Variants in SAMMSON observed in about 807,000 individuals in gnomAD.
SAMMSON encodes the protein survival associated mitochondrial melanoma specific oncogenic non-coding RNA.
chr3:70,346,593 G>GA (rs1179382504), intron 7 of SAMMSON, among the ~76,000 whole-genome samples: 1 of 152,084 alleles, frequency 6.6e-6, no homozygotes, highest in Non-Finnish European at 1.5e-5. Context: ...TACTTAAGGG[G>GA]AAAAATCTTC....
chr3:70,426,236 C>A lies in SAMMSON; in HGVS notation n.234-36324C>A, dbSNP rs78032964. Among the ~76,000 whole-genome samples, 13 of 152,282 alleles carry A rather than the reference C, an allele frequency of 8.5e-5. No individual in the cohort carries two copies. The East Asian group carries it at 2.5e-3, about 29-fold the overall frequency. On this transcript the variant is annotated intron_variant and non_coding_transcript_variant, in intron 2 of 3. Coordinates refer to the SAMMSON transcript ENST00000641053. ...TCTCAGGGCATCCTTTGATCCTGACCATTTGTCTGACAGTGAACAAACCAA... is the reference window on the plus strand; with the variant it reads ...TCTCAGGGCATCCTTTGATCCTGACAATTTGTCTGACAGTGAACAAACCAA...
At chr3:70,199,918 G>A (rs1701221810) in intron 4 of SAMMSON, among the ~76,000 whole-genome samples, 1 of 152,062 alleles carries the variant, frequency 6.6e-6, no homozygotes. Flanking sequence ...CACTTACCAA[G>A]GCCAAACTGC....
At chr3:70,008,808 G>A (rs370779217) in intron 1 of SAMMSON, among the ~76,000 whole-genome samples, 14 of 152,196 alleles carry the variant, frequency 9.2e-5, no homozygotes, top group East Asian at 3.9e-4. Flanking sequence ...TTTGAGATAC[G>A]TCCCATCAAT....
intron 1 of SAMMSON, among the ~76,000 whole-genome samples, chr3:70,002,521 G>T (rs928221104): frequency 6.6e-6 from 1 of 152,090 alleles, no homozygotes; most frequent in Admixed American, 6.5e-5. Context: ...ACCAACAGTG[G>T]CAGAATTACA....
Position 70,188,399 on chromosome 3 carries a change from G to A in SAMMSON, n.508-60708G>A, listed in dbSNP as rs183879453. On this transcript the variant is annotated intron_variant and non_coding_transcript_variant, in intron 4 of 9. Coordinates refer to ENST00000642114, the Ensembl canonical transcript of SAMMSON. ...CTGTTTATACAGCACTGACACATAA[G>A]TGCTTATTAAAATTACCTACTACAG... 3.4e-3 allele frequency among the ~76,000 whole-genome samples: 518 copies of A among 152,268 alleles called. 10 individuals are homozygous for A. Among genetic ancestry groups the A allele is most frequent in the Non-Finnish European group, 6.5e-4 (44 of 68,022 alleles).
chr3:70,287,578 G>A (rs915643499), intron 6 of SAMMSON, among the ~76,000 whole-genome samples: 12 of 152,054 alleles, frequency 7.9e-5, no homozygotes, highest in African/African-American at 2.7e-4. Context: ...CTCATAAAAT[G>A]AGTGAGGGAG....
intron 7 of SAMMSON, among the ~76,000 whole-genome samples, chr3:70,303,400 TAGG>T (rs1490150824): frequency 6.6e-6 from 1 of 152,076 alleles, no homozygotes; most frequent in Non-Finnish European, 1.5e-5. Context: ...AGGAGGAGAA[TAGG>T]AGGAAAAAAA....
intron 7 of SAMMSON, among the ~76,000 whole-genome samples, chr3:70,349,074 G>A (rs1344104657): frequency 6.6e-6 from 1 of 152,040 alleles, no homozygotes; most frequent in Non-Finnish European, 1.5e-5. Context: ...AAGAAATGGG[G>A]GAGTGGAATG....
intron 6 of SAMMSON, among the ~76,000 whole-genome samples, chr3:70,250,842 AGGTTGAATG>A (rs1472062692): frequency 6.6e-6 from 1 of 152,202 alleles, no homozygotes; most frequent in Non-Finnish European, 1.5e-5. Flanking sequence ...AGGGAAAGCC[AGGTTGAATG>A]GGCAGACTGT....
At chr3:70,375,530 G>T (rs1157502164) in intron 9 of SAMMSON, among the ~76,000 whole-genome samples, 1 of 151,936 alleles carries the variant, frequency 6.6e-6, no homozygotes, top group Non-Finnish European at 1.5e-5. Context: ...GAGTTGGGAG[G>T]GGGTAAGGGC....
chr3:70,239,486 T>G (rs972947560), intron 4 of SAMMSON, among the ~76,000 whole-genome samples: 1 of 151,866 alleles, frequency 6.6e-6, no homozygotes, highest in East Asian at 1.9e-4. Context: ...CATGGTTTGA[T>G]CATTATTGTT....
At chr3:70,339,068 A>T (rs567220314) in intron 7 of SAMMSON, among the ~76,000 whole-genome samples, 1 of 152,262 alleles carries the variant, frequency 6.6e-6, no homozygotes, top group African/African-American at 2.4e-5. Context: ...AGACCAATGG[A>T]ACAGAACAGA....
chr3:70,412,298 A>C (rs1701226036), intron 2 of SAMMSON, among the ~76,000 whole-genome samples: 1 of 152,208 alleles, frequency 6.6e-6, no homozygotes, highest in African/African-American at 2.4e-5. Flanking sequence ...CATGAGGCCA[A>C]CAACCTTCTT....
intron 4 of SAMMSON, among the ~76,000 whole-genome samples, chr3:70,105,894 CT>C (rs1273557768): frequency 1.3e-5 from 2 of 152,152 alleles, no homozygotes; most frequent in Admixed American, 6.5e-5. Flanking sequence ...GGGAAACCCC[CT>C]CTTCATTCCA....
intron 6 of SAMMSON, among the ~76,000 whole-genome samples, chr3:70,274,582 G>A (rs996617376): frequency 6.6e-6 from 1 of 152,044 alleles, no homozygotes; most frequent in Non-Finnish European, 1.5e-5. Context: ...TGAACAATGA[G>A]GACACATGGA....
intron 6 of SAMMSON, among the ~76,000 whole-genome samples, chr3:70,278,657 G>A (rs1324022148): frequency 6.6e-6 from 1 of 152,052 alleles, no homozygotes; most frequent in Non-Finnish European, 1.5e-5. Context: ...TGTCTTTTAT[G>A]TACAACTGAG....
rs148531103 is a variant in SAMMSON at position 70,047,821 on chromosome 3, G to C, written n.418-23655G>C. 8.5e-5 allele frequency among the ~76,000 whole-genome samples: 13 copies of C among 152,204 alleles called. No homozygotes were observed. The South Asian group carries it at 1.2e-3, about 15-fold the overall frequency. ...GCAGAAAGCGGAAGGGCAAGAGAGC[G>C]TGAATGTTGAGTCACCACATGGATG... On this transcript the variant is annotated intron_variant and non_coding_transcript_variant, in intron 3 of 9. Coordinates refer to ENST00000642114, the Ensembl canonical transcript of SAMMSON.
At chr3:70,085,161 G>T (rs2067280908) in intron 4 of SAMMSON, among the ~76,000 whole-genome samples, 1 of 152,136 alleles carries the variant, frequency 6.6e-6, no homozygotes, top group Admixed American at 6.5e-5. Flanking sequence ...ACTGTATACT[G>T]GTTTGACCTT....
At chr3:70,242,460 C>T (rs1230671669) in intron 4 of SAMMSON, among the ~76,000 whole-genome samples, 1 of 152,056 alleles carries the variant, frequency 6.6e-6, no homozygotes, top group African/African-American at 2.4e-5. Context: ...GTCCCATGAC[C>T]ATCCTTTGGG....
Sources: allele counts gnomAD v4.1 joint callset (sites outside exome capture counted in the v4.1 genomes callset), GRCh38; gene constraint gnomAD v4.1.1; transcripts MANE v1.5; gene names NCBI Gene and HGNC (gene_info 2026-07-23, HGNC 2026-07-21).